The following IFT52 variants were observed in gnomAD, a reference collection of about 807,000 sequenced individuals.
IFT52 encodes intraflagellar transport protein 52 homolog.
Under a neutral mutation model 54.4 loss-of-function variants are expected in IFT52, and 44 were observed. The observed-to-expected ratio is 0.81, with a 90% CI of 0.63 to 1.04. The LOEUF is 1.04. Among genes scored for constraint, IFT52 ranks in the 50% least tolerant of loss-of-function variants. The pLI is 0.00. For missense variants in IFT52, 452 were observed against 523.6 expected (o/e 0.86, Z 1.33); for synonymous variants, 181 against 185.3 (o/e 0.98, Z 0.19).
At chr20:43,640,917 G>A (rs1020507146) in intron 12 of IFT52, among the ~76,000 whole-genome samples, 3 of 151,584 alleles carry the variant, frequency 2.0e-5, no homozygotes, top group Non-Finnish European at 4.4e-5. Flanking sequence ...TGTAGTCCAA[G>A]CTACTTGGGA....
In IFT52 at chr20:43,594,740, C is replaced by T. The variant is rs1174649411; in HGVS notation, c.42C>T (p.Tyr14=). The T allele has an allele frequency of 2.6e-5, 42 of 1,612,800 alleles. No homozygotes were observed. Among genetic ancestry groups the T allele is most frequent in the Middle Eastern group, 3.3e-4 (2 of 6,082 alleles). Residue 14 remains tyrosine (Y), a synonymous_variant, in exon 2 of 14, where the codon TAC becomes TAT. Transcript: ENST00000373030. Reference sequence around the variant, plus strand: ...GGAGCACCATTCTTTTCAATGCCTACAAAAAGGAGATATTTACCACCAACA... The same window carrying T: ...GGAGCACCATTCTTTTCAATGCCTATAAAAAGGAGATATTTACCACCAACA... ...ELRSTILFNA[Y]KKEIFTTNNG...
intron 7 of IFT52, among the ~76,000 whole-genome samples, chr20:43,615,947 AAT>A (rs1390596374): frequency 2.0e-5 from 3 of 152,142 alleles, no homozygotes; most frequent in Non-Finnish European, 2.9e-5. Context: ...AGAAAAAAAA[AAT>A]ATTGAAAAAT....
At chr20:43,617,804 G>A (rs553056180) in intron 7 of IFT52, among the ~76,000 whole-genome samples, 6 of 151,706 alleles carry the variant, frequency 4.0e-5, no homozygotes, top group South Asian at 2.1e-4. Context: ...GTGCAGTGGC[G>A]CGATCTCAGC....
intron 3 of IFT52, among the ~76,000 whole-genome samples, chr20:43,598,698 AAAC>A (rs1982194072): frequency 6.6e-6 from 1 of 152,172 alleles, no homozygotes; most frequent in African/African-American, 2.4e-5. Flanking sequence ...TGAAAAGAAA[AAAC>A]AAACAAACAA....
At chr20:43,613,070 G>T (rs1005239699) in intron 6 of IFT52, among the ~76,000 whole-genome samples, 1 of 152,170 alleles carries the variant, frequency 6.6e-6, no homozygotes, top group Admixed American at 6.6e-5. Flanking sequence ...ACAAGTCTTT[G>T]TTAGGACAGT....
chr20:43,607,256 G>C (rs1181660405), intron 6 of IFT52, among the ~76,000 whole-genome samples: 1 of 140,948 alleles, frequency 7.1e-6, no homozygotes, highest in Non-Finnish European at 1.5e-5. Context: ...CTGGCCGGGC[G>C]GGGGGCTGAC....
chr20:43,626,058 G>A (rs1984694007), intron 10 of IFT52, among the ~76,000 whole-genome samples: 1 of 149,416 alleles, frequency 6.7e-6, no homozygotes, highest in Non-Finnish European at 1.5e-5. Flanking sequence ...CAATAACTGA[G>A]TTGAGAAAGA....
intron 3 of IFT52, among the ~76,000 whole-genome samples, chr20:43,600,391 G>A (rs1373046077): frequency 3.3e-5 from 5 of 150,470 alleles, no homozygotes; most frequent in African/African-American, 4.9e-5. Flanking sequence ...TGCAAGCTCC[G>A]CCTCCCGGGT....
intron 6 of IFT52, among the ~76,000 whole-genome samples, chr20:43,607,802 G>A: frequency 6.6e-6 from 1 of 152,100 alleles, no homozygotes; most frequent in East Asian, 1.9e-4. Context: ...AGGCGGCTGG[G>A]AGGTGGAGGT....
Position 43,635,349 on chromosome 20 carries a change from C to T in IFT52, c.924-577C>T, listed in dbSNP as rs149417604. Among the ~76,000 whole-genome samples the T allele has an allele frequency of 8.0e-3, 1,212 of 152,108 alleles. 7 individuals are homozygous for T. The highest frequency in any genetic ancestry group is 0.013 in the Non-Finnish European group (857 of 67,990). ...TCTCTTGCCCAGGCTGGAGTGCAAT[C>T]GCACGATCTCTGCTCACTGTAACCT... On this transcript the variant is annotated intron_variant, in intron 10 of 13. Transcript: ENST00000373030.
Position 43,644,586 on chromosome 20 carries a change from C to T in IFT52, c.1266+1962C>T, listed in dbSNP as rs544674899. ...CACGAGGTCAGGAGTTCAAGACTAG[C>T]CTGACCAACATGGTGAACCCTCCTC... On this transcript the variant is annotated intron_variant, in intron 13 of 13. Coordinates refer to ENST00000373030, the MANE Select transcript of IFT52 (RefSeq NM_016004.5). 2.3e-3 allele frequency among the ~76,000 whole-genome samples: 129 copies of T among 55,702 alleles called. 56 individuals carry two copies. The highest frequency in any genetic ancestry group is 4.9e-3 in the Non-Finnish European group (116 of 23,542). 36.5% of individuals were successfully genotyped at this position (55,702 alleles called of 152,430 possible). A position where few individuals can be genotyped will look rare whatever the true frequency, so the allele number is the denominator to read the frequency against.
intron 8 of IFT52, among the ~76,000 whole-genome samples, chr20:43,620,371 C>T (rs1367128067): frequency 6.6e-6 from 1 of 152,044 alleles, no homozygotes; most frequent in Non-Finnish European, 1.5e-5. Context: ...ATAAAAGTTG[C>T]ATTATGCTGG....
intron 12 of IFT52, among the ~76,000 whole-genome samples, chr20:43,639,933 T>C (rs1985801331): frequency 6.6e-6 from 1 of 152,204 alleles, no homozygotes; most frequent in South Asian, 2.1e-4. Context: ...CCCAGCACTT[T>C]AGGAGGCTGA....
chr20:43,601,139 C>T (rs62225582), intron 3 of IFT52, among the ~76,000 whole-genome samples: 4,083 of 152,126 alleles, frequency 0.027, 66 homozygotes, highest in Non-Finnish European at 0.037. Context: ...CTGCCCTTCA[C>T]CCGCTAAAAT....
In IFT52 at chr20:43,599,875, C is replaced by T. The variant is rs991612648; in HGVS notation, c.207+3353C>T. ...CGTGGCTGAGACGAGTATTTTCCAACCCTAACAGACCAGCATCCACCTATA... is the reference window on the plus strand; with the variant it reads ...CGTGGCTGAGACGAGTATTTTCCAATCCTAACAGACCAGCATCCACCTATA... On this transcript the variant is annotated intron_variant, in intron 3 of 13. Transcript: ENST00000373030. 2.6e-5 allele frequency among the ~76,000 whole-genome samples: 4 copies of T among 152,226 alleles called. No homozygotes were observed. In the South Asian group the frequency reaches 8.3e-4, roughly 32 times the overall value.
chr20:43,598,159 C>T (rs940603540), intron 3 of IFT52, among the ~76,000 whole-genome samples: 2 of 152,062 alleles, frequency 1.3e-5, no homozygotes, highest in Admixed American at 6.6e-5. Flanking sequence ...ATCTTGAGGA[C>T]ATTATGCCAA....
chr20:43,597,905 A>AC (rs1166646182), intron 3 of IFT52, among the ~76,000 whole-genome samples: 58 of 151,412 alleles, frequency 3.8e-4, no homozygotes, highest in Admixed American at 1.1e-3. Context: ...AAAAAAAAAA[A>AC]AAAAAACTGC....
At chr20:43,621,527 A>G (rs541573993) in intron 9 of IFT52, among the ~76,000 whole-genome samples, 108 of 152,294 alleles carry the variant, frequency 7.1e-4, no homozygotes, top group African/African-American at 2.5e-3. Flanking sequence ...TAGTGGCACA[A>G]TCTCAGCTCA....
At chr20:43,601,475 T>C (rs1199653023) in intron 3 of IFT52, among the ~76,000 whole-genome samples, 1 of 152,226 alleles carries the variant, frequency 6.6e-6, no homozygotes, top group Admixed American at 6.5e-5. Flanking sequence ...GGAAACTGGG[T>C]CATAATTCAT....
Sources: gnomAD v4.1 joint callset for allele counts (sites outside exome capture counted in the v4.1 genomes callset) on GRCh38, gnomAD v4.1.1 for gene constraint, MANE v1.5 for transcripts, NCBI Gene and HGNC (gene_info 2026-07-23, HGNC 2026-07-21) for gene names.